The following WDR17 variants were observed in gnomAD, a reference collection of about 807,000 sequenced individuals.
WDR17 encodes WD repeat domain 17, also known as WD repeat-containing protein 17.
A neutral mutation model predicts 161.7 loss-of-function variants in WDR17; 143 were observed. That is an observed-to-expected ratio of 0.88 (90% CI 0.77 to 1.02). The LOEUF (loss-of-function observed/expected upper bound fraction) is 1.02. WDR17 is among the 50% of genes least tolerant of loss of function. The pLI is 0.00. For missense variants in WDR17, 1,469 were observed against 1,520.9 expected (o/e 0.97, Z 0.57); for synonymous variants, 517 against 515.6 (o/e 1.00, Z -0.04).
chr4:176,100,423 G>T (rs1261621793), intron 1 of WDR17, among the ~76,000 whole-genome samples: 1 of 151,858 alleles, frequency 6.6e-6, no homozygotes, highest in Non-Finnish European at 1.5e-5. Flanking sequence ...ACTTTTTAAT[G>T]GGATTATTTG....
At chr4:176,118,974 T>A (rs28450120) in intron 3 of WDR17, among the ~76,000 whole-genome samples, 40,223 of 151,452 alleles carry the variant, frequency 0.27, 5,602 homozygotes, top group African/African-American at 0.34. Context: ...AAATAATAAT[T>A]ATTATAAAAT....
At chr4:176,156,785 G>C (rs1748206740) in intron 18 of WDR17, among the ~76,000 whole-genome samples, 1 of 151,994 alleles carries the variant, frequency 6.6e-6, no homozygotes, top group African/African-American at 2.4e-5. Context: ...CAGCAAAGTT[G>C]GTTTCTACTG....
intron 1 of WDR17, among the ~76,000 whole-genome samples, chr4:176,076,105 T>C (rs1377992455): frequency 6.6e-6 from 1 of 151,678 alleles, no homozygotes; most frequent in Admixed American, 6.6e-5. Context: ...TACATAATAT[T>C]TTTACAAAAT....
At chr4:176,086,672 C>A (rs1735462872) in intron 1 of WDR17, among the ~76,000 whole-genome samples, 1 of 151,714 alleles carries the variant, frequency 6.6e-6, no homozygotes, top group African/African-American at 2.4e-5. Flanking sequence ...TTCAACTATT[C>A]TGTAACCTTT....
At chr4:176,170,336 A>G (rs1375937114) in intron 23 of WDR17, among the ~76,000 whole-genome samples, 1 of 126,478 alleles carries the variant, frequency 7.9e-6, no homozygotes, top group Non-Finnish European at 1.6e-5. Flanking sequence ...TTTTTTTGAC[A>G]TGGAATTTCA....
intron 5 of WDR17, among the ~76,000 whole-genome samples, chr4:176,126,683 G>T (rs1411636448): frequency 6.6e-6 from 1 of 152,126 alleles, no homozygotes. Flanking sequence ...AATAAGTGAT[G>T]TGGCTTGACC....
At chr4:176,073,953 T>C (rs1303027797) in intron 1 of WDR17, among the ~76,000 whole-genome samples, 2 of 150,264 alleles carry the variant, frequency 1.3e-5, no homozygotes, top group Non-Finnish European at 3.0e-5. Context: ...GATGGGGTTG[T>C]TTTTTTCTTG....
At chr4:176,143,499 T>TAAAAAAA (rs10646644) in intron 11 of WDR17, among the ~76,000 whole-genome samples, 1 of 137,146 alleles carries the variant, frequency 7.3e-6, no homozygotes, top group Non-Finnish European at 1.6e-5. Context: ...CTTCGTCTCT[T>TAAAAAAA]AAAAAAAAAA....
At chr4:176,093,184 T>C (rs1736363192) in intron 1 of WDR17, among the ~76,000 whole-genome samples, 1 of 152,116 alleles carries the variant, frequency 6.6e-6, no homozygotes, top group Non-Finnish European at 1.5e-5. Context: ...TTGATGAAAC[T>C]GAAGAGGACA....
intron 1 of WDR17, among the ~76,000 whole-genome samples, chr4:176,087,480 A>G (rs956440233): frequency 2.6e-5 from 4 of 152,266 alleles, no homozygotes; most frequent in East Asian, 3.9e-4. Context: ...TAGATAAGGT[A>G]TCGCTTTAAC....
At chr4:176,075,785 A>G (rs1033567339) in intron 1 of WDR17, among the ~76,000 whole-genome samples, 2 of 151,946 alleles carry the variant, frequency 1.3e-5, no homozygotes, top group Non-Finnish European at 2.9e-5. Context: ...AGCTTGGGCA[A>G]CATAGTGATG....
At chr4:176,155,130 A>T (rs761548171) in intron 17 of WDR17, among the ~76,000 whole-genome samples, 3 of 152,122 alleles carry the variant, frequency 2.0e-5, no homozygotes, top group Non-Finnish European at 2.9e-5. Flanking sequence ...AACACCATGG[A>T]ACAAATTACT....
chr4:176,106,670 C>G (rs1738776505), intron 1 of WDR17, among the ~76,000 whole-genome samples: 1 of 152,134 alleles, frequency 6.6e-6, no homozygotes, highest in South Asian at 2.1e-4. Context: ...AAGAAAAACA[C>G]TGGCCAGGCA....
intron 22 of WDR17, among the ~76,000 whole-genome samples, chr4:176,168,420 T>C (rs1750204198): frequency 6.6e-6 from 1 of 152,204 alleles, no homozygotes; most frequent in African/African-American, 2.4e-5. Flanking sequence ...ATTATAAGTA[T>C]GTTAAGACTC....
chr4:176,132,063 A>G (rs1266189767), intron 7 of WDR17, among the ~76,000 whole-genome samples: 6 of 152,094 alleles, frequency 3.9e-5, no homozygotes, highest in Non-Finnish European at 8.8e-5. Flanking sequence ...GATCTCTGCC[A>G]GTTGCTCAAA....
Position 176,125,092 on chromosome 4 carries a change from G to A in WDR17, c.539-12G>A. Reference sequence around the variant, plus strand: ...AAGTTTTTTGGAAATAATTATCTCTGTATTTTAACAGGTAATAAAAATCAG... The same window carrying A: ...AAGTTTTTTGGAAATAATTATCTCTATATTTTAACAGGTAATAAAAATCAG... On this transcript the variant is annotated splice_polypyrimidine_tract_variant and intron_variant, in intron 4 of 28. Transcript: ENST00000508596. 6.2e-7 allele frequency: 1 copy of A among 1,612,888 alleles called. No homozygotes were observed.
At chr4:176,174,773 T>TG in intron 26 of WDR17, 55 bp downstream of exon 26, 1 of 1,117,172 alleles carries the variant, frequency 9.0e-7, no homozygotes, top group Non-Finnish European at 1.3e-6. Context: ...CTTGCTAAGA[T>TG]GGATAGTCTC....
chr4:176,140,747 CA>C (rs1745128797), intron 10 of WDR17, among the ~76,000 whole-genome samples: 1 of 151,994 alleles, frequency 6.6e-6, no homozygotes, highest in African/African-American at 2.4e-5. Context: ...GTAGAAAAGA[CA>C]GTAGTTATGG....
chr4:176,069,520 G>A (rs977427371), intron 1 of WDR17, among the ~76,000 whole-genome samples: 1 of 152,132 alleles, frequency 6.6e-6, no homozygotes, highest in Non-Finnish European at 1.5e-5. Flanking sequence ...CCATGTGTCA[G>A]TGAAGATGTT....
Sources: gnomAD v4.1 joint callset for allele counts (sites outside exome capture counted in the v4.1 genomes callset) on GRCh38, gnomAD v4.1.1 for gene constraint, MANE v1.5 for transcripts, NCBI Gene and HGNC (gene_info 2026-07-23, HGNC 2026-07-21) for gene names.